CASD1: variants seen among roughly 807,000 people sequenced by gnomAD.
CASD1 encodes N-acetylneuraminate (7)9-O-acetyltransferase.
Under a neutral mutation model 100.0 loss-of-function variants are expected in CASD1, and 41 were observed. The ratio of observed to expected loss-of-function variants is 0.41; its 90% confidence interval spans 0.32 to 0.53. The LOEUF (loss-of-function observed/expected upper bound fraction) is 0.53. Among genes scored for constraint, CASD1 ranks in the 20% least tolerant of loss-of-function variants. The pLI is 0.25. For synonymous variants in CASD1, 321 were observed against 315.6 expected (o/e 1.02, Z -0.18); for missense variants, 774 against 948.7 (o/e 0.82, Z 2.42).
the CASD1 span, among the ~76,000 whole-genome samples, chr7:94,570,056 G>A: frequency 9.9e-5 from 15 of 151,154 alleles, 1 homozygote; most frequent in African/African-American, 2.4e-4. Flanking sequence ...CTTGTGATCC[G>A]CCTGCCTCAG....
At position 94,521,429 on chromosome 7, in the gene CASD1, CTAA is replaced by C. The variant is rs1794261928; in HGVS notation, c.351+3112_351+3114del. ...TGAAAAGACAGAACTAAAGAACTGG[CTAA>C]TAATAGCAGATATGTCAAGGGTAAA... On this transcript the variant is annotated intron_variant, in intron 3 of 17. Coordinates refer to ENST00000297273, the MANE Select transcript of CASD1 (RefSeq NM_022900.5). Among the ~76,000 whole-genome samples the C allele has an allele frequency of 2.0e-5, 3 of 152,066 alleles. No homozygotes were observed. In the South Asian group the frequency reaches 6.2e-4, roughly 32 times the overall value.
the CASD1 span, chr7:94,598,889 A>C: frequency 1.3e-5 from 21 of 1,613,042 alleles, no homozygotes; most frequent in East Asian, 3.3e-4. Flanking sequence ...GGGCCATGCT[A>C]TCTCTCTATT....
chr7:94,515,415 G>GT (rs33945937), intron 1 of CASD1, among the ~76,000 whole-genome samples: 2,294 of 146,584 alleles, frequency 0.016, 34 homozygotes, highest in African/African-American at 0.04. Flanking sequence ...TTTTGCTATG[G>GT]TTTTTTTTTT....
intron 3 of CASD1, among the ~76,000 whole-genome samples, chr7:94,520,867 G>A (rs183934731): frequency 8.4e-4 from 128 of 152,192 alleles, no homozygotes; most frequent in African/African-American, 2.6e-3. Flanking sequence ...CGAGGTGGGC[G>A]GATCACCTGA....
chr7:94,628,836 A>T, the CASD1 span: 1 of 168,758 alleles, frequency 5.9e-6, no homozygotes, highest in Non-Finnish European at 1.3e-5. Flanking sequence ...AGACGTTACA[A>T]ATCCATAACA....
chr7:94,526,203 G>A (rs1330350746), intron 3 of CASD1, among the ~76,000 whole-genome samples: 1 of 152,194 alleles, frequency 6.6e-6, no homozygotes, highest in Non-Finnish European at 1.5e-5. Context: ...AGAAGTTCTT[G>A]CTTAGCGTTG....
At chr7:94,558,246 A>G (rs548001990), downstream of CASD1, among the ~76,000 whole-genome samples, 6 of 152,162 alleles carry the variant, frequency 3.9e-5, no homozygotes, top group Non-Finnish European at 8.8e-5. Context: ...CTATTCTCGA[A>G]TGACTTTATA....
At chr7:94,518,850 A>G (rs984715803) in intron 3 of CASD1, among the ~76,000 whole-genome samples, 4 of 151,996 alleles carry the variant, frequency 2.6e-5, no homozygotes, top group African/African-American at 9.7e-5. Flanking sequence ...AAAGCTTTTT[A>G]TAGTTTTCTA....
chr7:94,517,755 G>T, intron 2 of CASD1, 99 bp downstream of exon 2: 1 of 707,432 alleles, frequency 1.4e-6, no homozygotes, highest in Non-Finnish European at 2.4e-6. Flanking sequence ...CTATGTTGGG[G>T]TAGAGACTTG....
chr7:94,587,067 A>G, the CASD1 span: 1 of 984,914 alleles, frequency 1.0e-6, no homozygotes, highest in African/African-American at 1.7e-5. Flanking sequence ...TGACTCAAGC[A>G]AAATACCTGC....
chr7:94,600,922 C>CT, the CASD1 span: 2 of 1,278,580 alleles, frequency 1.6e-6, no homozygotes, highest in African/African-American at 2.9e-5. Context: ...ATTTTAAGAT[C>CT]TGGATACACT....
intron 12 of CASD1, among the ~76,000 whole-genome samples, 180 bp downstream of exon 12, chr7:94,545,881 T>C: frequency 6.6e-6 from 1 of 152,210 alleles, no homozygotes; most frequent in South Asian, 2.1e-4. Flanking sequence ...AGCTAAGTAG[T>C]TAAAGTAATA....
chr7:94,593,992 C>T, the CASD1 span, among the ~76,000 whole-genome samples: 106 of 152,186 alleles, frequency 7.0e-4, 1 homozygote, highest in African/African-American at 2.5e-3. Flanking sequence ...CTCAGAGCCC[C>T]AGAATGTGTA....
intron 4 of CASD1, 40 bp from the exon 5 acceptor site, chr7:94,528,148 T>TG: frequency 1.5e-6 from 2 of 1,358,012 alleles, no homozygotes; most frequent in African/African-American, 1.5e-5. Flanking sequence ...AATTAAGAGT[T>TG]TCTTCAACTT....
the CASD1 span, among the ~76,000 whole-genome samples, chr7:94,608,340 A>C: frequency 1.5e-4 from 23 of 152,296 alleles, no homozygotes; most frequent in Non-Finnish European, 2.8e-4. Flanking sequence ...AAAATAAAAT[A>C]CTTAAATATA....
Position 94,537,677 on chromosome 7 carries a change from GA to G in CASD1, c.1050del (p.Glu351ArgfsTer14). 1 of 1,613,564 alleles carries G rather than the reference GA, an allele frequency of 6.2e-7. No homozygotes were observed. Among genetic ancestry groups the G allele is most frequent in the Non-Finnish European group, 8.5e-7 (1 of 1,179,714 alleles). ...KNKPCTDLES[G>X]EEKKNIINTP... ...AAGCCGTGTACTGATTTGGAAAGTG[GA>G]GAGGAAAAGAAAAATATTATCAATA... On this transcript the variant is annotated frameshift_variant, in exon 9 of 18. Coordinates refer to ENST00000297273, the MANE Select transcript of CASD1 (RefSeq NM_022900.5). LOFTEE classifies it high-confidence loss of function.
the CASD1 span, among the ~76,000 whole-genome samples, chr7:94,581,046 C>T: frequency 2.6e-5 from 4 of 152,174 alleles, no homozygotes; most frequent in Admixed American, 6.5e-5. Flanking sequence ...GGTAGACTCA[C>T]ATTAGACACA....
At chr7:94,546,226 C>G (rs1795671770) in intron 12 of CASD1, among the ~76,000 whole-genome samples, 2 of 151,882 alleles carry the variant, frequency 1.3e-5, no homozygotes, top group South Asian at 4.1e-4. Context: ...TATTATCAAC[C>G]TGTTTTACAT....
the CASD1 span, among the ~76,000 whole-genome samples, chr7:94,577,048 T>A: frequency 6.6e-6 from 1 of 152,234 alleles, no homozygotes; most frequent in Non-Finnish European, 1.5e-5. Context: ...AGTCTCATAC[T>A]TGCATTTAGT....
Sources: allele counts gnomAD v4.1 joint callset (sites outside exome capture counted in the v4.1 genomes callset), GRCh38; gene constraint gnomAD v4.1.1; transcripts MANE v1.5; gene names NCBI Gene and HGNC (gene_info 2026-07-23, HGNC 2026-07-21).